Variants in TSPAN15 observed in about 807,000 individuals in gnomAD.
The protein encoded by TSPAN15 is tetraspanin 15.
TSPAN15 carries 20 observed loss-of-function variants against 34.5 expected under a neutral mutation model. That is an observed-to-expected ratio of 0.58 (90% CI 0.41 to 0.84). The LOEUF (loss-of-function observed/expected upper bound fraction) is 0.84, where lower values mean the gene tolerates loss of function less well. TSPAN15 is among the 40% of genes least tolerant of loss of function. TSPAN15 has a pLI of 0.00. For missense variants in TSPAN15, 313 were observed against 386.1 expected (o/e 0.81, Z 1.59); for synonymous variants, 155 against 153.9 (o/e 1.01, Z -0.05).
intron 5 of TSPAN15, among the ~76,000 whole-genome samples, chr10:69,503,453 C>A (rs547724547): frequency 6.6e-6 from 1 of 152,314 alleles, no homozygotes; most frequent in Non-Finnish European, 1.5e-5. Flanking sequence ...GTTCTGTGAT[C>A]ATCACAACCT....
chr10:69,475,829 T>G (rs2133096858), intron 1 of TSPAN15, among the ~76,000 whole-genome samples: 1 of 152,290 alleles, frequency 6.6e-6, no homozygotes, highest in Middle Eastern at 3.4e-3. Context: ...TTAGATGTCT[T>G]TCTCCAGCTC....
chr10:69,470,613 A>G (rs1219873022), intron 1 of TSPAN15, among the ~76,000 whole-genome samples: 2 of 152,118 alleles, frequency 1.3e-5, no homozygotes, highest in Non-Finnish European at 2.9e-5. Context: ...TCTTTTAAAG[A>G]TCACAGCCAG....
the TSPAN15 span, among the ~76,000 whole-genome samples, chr10:69,526,351 G>A: frequency 6.7e-6 from 1 of 148,226 alleles, no homozygotes; most frequent in Non-Finnish European, 1.5e-5. Context: ...ATAATAAAAA[G>A]ACAACTCAAT....
At chr10:69,521,461 A>G in the TSPAN15 span, among the ~76,000 whole-genome samples, 1 of 147,874 alleles carries the variant, frequency 6.8e-6, no homozygotes, top group Non-Finnish European at 1.5e-5. Context: ...CCTGGCCAAC[A>G]TGGCCAGAAA....
intron 3 of TSPAN15, chr10:69,495,320 G>A: frequency 2.6e-6 from 1 of 384,220 alleles, no homozygotes; most frequent in Non-Finnish European, 4.8e-6. Context: ...TCAGGGCCTG[G>A]GCTGTCTGGT....
chr10:69,538,975 G>A, the TSPAN15 span, among the ~76,000 whole-genome samples: 1 of 151,982 alleles, frequency 6.6e-6, no homozygotes, highest in Non-Finnish European at 1.5e-5. Flanking sequence ...CCAAATGAAG[G>A]GGTAGTCAAC....
chr10:69,455,382 T>A (rs560549636), intron 1 of TSPAN15, among the ~76,000 whole-genome samples: 3 of 152,268 alleles, frequency 2.0e-5, no homozygotes, highest in Admixed American at 2.0e-4. Context: ...TAAATTTAAA[T>A]CCACGTGAAT....
intron 1 of TSPAN15, among the ~76,000 whole-genome samples, chr10:69,474,543 T>G (rs78798286): frequency 0.062 from 9,377 of 152,128 alleles, 985 homozygotes; most frequent in African/African-American, 0.22. Flanking sequence ...CTTCTGCTGG[T>G]GGTGGCCTAT....
In TSPAN15 at chr10:69,501,163, C is replaced by T. The variant is rs189359983; in HGVS notation, c.570+2767C>T. 8.5e-5 allele frequency among the ~76,000 whole-genome samples: 13 copies of T among 152,244 alleles called. No individual in the cohort carries two copies. The East Asian group carries it at 9.6e-4, about 11-fold the overall frequency. ...TGGGTGACCAGGAGCTCACCGTGGACGTGGGGGGTTTGAGAGCCTGTTCAG... is the reference window on the plus strand; with the variant it reads ...TGGGTGACCAGGAGCTCACCGTGGATGTGGGGGGTTTGAGAGCCTGTTCAG... On this transcript the variant is annotated intron_variant, in intron 5 of 7. Transcript: ENST00000373290.
At chr10:69,525,559 G>A in the TSPAN15 span, among the ~76,000 whole-genome samples, 10 of 146,440 alleles carry the variant, frequency 6.8e-5, no homozygotes, top group African/African-American at 2.2e-4. Context: ...AGTGGCTCAC[G>A]CCTGTAATCC....
chr10:69,484,900 A>G (rs1003602351), intron 2 of TSPAN15, among the ~76,000 whole-genome samples: 1 of 151,994 alleles, frequency 6.6e-6, no homozygotes, highest in Non-Finnish European at 1.5e-5. Context: ...GGAGGTAACC[A>G]TTTGGCTGGG....
chr10:69,512,254 C>T (rs552996801), downstream of TSPAN15, among the ~76,000 whole-genome samples: 1 of 152,256 alleles, frequency 6.6e-6, no homozygotes, highest in Admixed American at 6.5e-5. Context: ...CTTTCCCACA[C>T]CATGACACAC....
the TSPAN15 span, among the ~76,000 whole-genome samples, chr10:69,519,490 A>G: frequency 6.6e-6 from 1 of 152,214 alleles, no homozygotes; most frequent in Non-Finnish European, 1.5e-5. Flanking sequence ...AGAAAGAGAT[A>G]TATCAAATTC....
chr10:69,512,780 T>C, the TSPAN15 span, among the ~76,000 whole-genome samples: 1 of 152,274 alleles, frequency 6.6e-6, no homozygotes, highest in Non-Finnish European at 1.5e-5. Flanking sequence ...TTTCTTTTTA[T>C]TGCGGAGCAG....
chr10:69,528,003 G>A, the TSPAN15 span, among the ~76,000 whole-genome samples: 1 of 148,302 alleles, frequency 6.7e-6, no homozygotes, highest in Non-Finnish European at 1.5e-5. Context: ...AACCTCTGTG[G>A]CCAGTGGTGC....
intron 3 of TSPAN15, among the ~76,000 whole-genome samples, chr10:69,487,713 C>T (rs1432906688): frequency 6.6e-6 from 1 of 152,250 alleles, no homozygotes; most frequent in South Asian, 2.1e-4. Context: ...CAGAACATCA[C>T]CTCCTTCTTT....
In TSPAN15 at chr10:69,491,082, A is replaced by T. The variant is rs561036133; in HGVS notation, c.358-4512A>T. ...CCAGTCCCAAGGACACTGAAACATA[A>T]CCCTCTCCCACCATGGAGATGAACC... On this transcript the variant is annotated intron_variant, in intron 3 of 7. Coordinates refer to ENST00000373290, the MANE Select transcript of TSPAN15 (RefSeq NM_012339.5). 3.9e-5 allele frequency among the ~76,000 whole-genome samples: 6 copies of T among 152,010 alleles called. No individual in the cohort carries two copies. In the South Asian group the frequency reaches 1.2e-3, roughly 32 times the overall value.
chr10:69,474,162 C>T (rs1384933764), intron 1 of TSPAN15, among the ~76,000 whole-genome samples: 1 of 151,666 alleles, frequency 6.6e-6, no homozygotes, highest in Non-Finnish European at 1.5e-5. Context: ...CACCCTCCTC[C>T]CCCCACCTGC....
chr10:69,465,391 T>C (rs1841362394), intron 1 of TSPAN15, among the ~76,000 whole-genome samples: 1 of 152,222 alleles, frequency 6.6e-6, no homozygotes, highest in South Asian at 2.1e-4. Flanking sequence ...TCCACTGTGG[T>C]CTTCTGGTGC....
Sources: allele counts gnomAD v4.1 joint callset (sites outside exome capture counted in the v4.1 genomes callset), GRCh38; gene constraint gnomAD v4.1.1; transcripts MANE v1.5; gene names NCBI Gene and HGNC (gene_info 2026-07-23, HGNC 2026-07-21).